FOXP2: variants seen among roughly 807,000 people sequenced by gnomAD.
The protein encoded by FOXP2 is forkhead box protein P2.
FOXP2 carries 12 observed loss-of-function variants against 115.8 expected under a neutral mutation model. The observed-to-expected ratio is 0.10, with a 90% CI of 0.07 to 0.17. FOXP2 has a LOEUF of 0.17. Ranked by LOEUF, FOXP2 falls within the 10% of genes least tolerant of loss-of-function variation. The pLI is 1.00. For synonymous variants in FOXP2, 328 were observed against 297.7 expected (o/e 1.10, Z -1.05); for missense variants, 629 against 843.5 (o/e 0.75, Z 3.15).
chr7:114,425,096 G>A (rs1284839251), intron 1 of FOXP2, among the ~76,000 whole-genome samples: 3 of 151,486 alleles, frequency 2.0e-5, no homozygotes, highest in African/African-American at 4.8e-5. Flanking sequence ...TGTGTGCATC[G>A]CATTTTAAAA....
upstream of FOXP2, chr7:114,086,356 A>G (rs370893927): frequency 2.5e-6 from 1 of 403,736 alleles, no homozygotes. Flanking sequence ...CGGCGCGTGC[A>G]GCTCCGCGGC....
chr7:114,659,115 C>A (rs1305286270), intron 11 of FOXP2, among the ~76,000 whole-genome samples: 1 of 152,106 alleles, frequency 6.6e-6, no homozygotes, highest in Non-Finnish European at 1.5e-5. Context: ...GAAAAAAATC[C>A]TCAGGCCAGC....
chr7:114,318,634 G>C (rs1200503605), intron 2 of FOXP2, among the ~76,000 whole-genome samples: 1 of 151,186 alleles, frequency 6.6e-6, no homozygotes, highest in Non-Finnish European at 1.5e-5. Flanking sequence ...TACATTAAAG[G>C]AATAGTATTA....
chr7:114,184,613 A>C (rs1230098266), intron 1 of FOXP2, among the ~76,000 whole-genome samples: 2 of 152,134 alleles, frequency 1.3e-5, no homozygotes, highest in Non-Finnish European at 2.9e-5. Context: ...CGCCTTCAGC[A>C]TTTCATTGAT....
intron 2 of FOXP2, among the ~76,000 whole-genome samples, chr7:114,318,118 C>A (rs1007575051): frequency 3.3e-5 from 5 of 152,140 alleles, no homozygotes; most frequent in African/African-American, 1.2e-4. Context: ...AGAAAAAATT[C>A]TAATTTTTCT....
At chr7:114,494,234 C>T (rs1450807781) in intron 2 of FOXP2, among the ~76,000 whole-genome samples, 1 of 152,096 alleles carries the variant, frequency 6.6e-6, no homozygotes, top group East Asian at 1.9e-4. Flanking sequence ...ATATTCATAA[C>T]ATAATTTGAA....
At position 114,642,514 on chromosome 7, in the gene FOXP2, A is replaced by G. The variant is rs770301569; in HGVS notation, c.880A>G (p.Asn294Asp). 3.1e-6 allele frequency: 5 copies of G among 1,613,838 alleles called. No homozygotes were observed. ...IKHGGLDLTT[N>D]NSSSTTSSNT... ...ACATGGAGGGCTAGACCTCACTACT[A>G]ACAATTCCTCCTCGACTACCTCCTC... is the stretch of plus-strand genomic sequence containing the variant. Residue 294 changes from asparagine (N) to aspartate (D), a missense_variant, in exon 7 of 17, where the codon AAC becomes GAC. Coordinates refer to ENST00000350908, the MANE Select transcript of FOXP2 (RefSeq NM_014491.4).
chr7:114,442,156 G>A (rs1368080858), intron 2 of FOXP2, among the ~76,000 whole-genome samples: 1 of 152,116 alleles, frequency 6.6e-6, no homozygotes, highest in East Asian at 1.9e-4. Context: ...GGAATAAAAA[G>A]GAATGAAGCA....
chr7:114,177,629 G>A (rs1358770050), intron 1 of FOXP2, among the ~76,000 whole-genome samples: 1 of 151,700 alleles, frequency 6.6e-6, no homozygotes, highest in Admixed American at 6.6e-5. Flanking sequence ...ACTTGAAGTG[G>A]GATGTATGAG....
chr7:114,411,758 A>C (rs1479822885), upstream of FOXP2, among the ~76,000 whole-genome samples: 1 of 152,110 alleles, frequency 6.6e-6, no homozygotes, highest in Non-Finnish European at 1.5e-5. Flanking sequence ...ATCCCTCTGC[A>C]CTAGAGAGAA....
chr7:114,322,247 T>C (rs1471470907), intron 2 of FOXP2, among the ~76,000 whole-genome samples: 1 of 151,898 alleles, frequency 6.6e-6, no homozygotes, highest in East Asian at 2.0e-4. Flanking sequence ...GCTGTCACAC[T>C]CCTAGACTCA....
At chr7:114,676,342 T>A (rs1362048674) in intron 16 of FOXP2, among the ~76,000 whole-genome samples, 1 of 152,154 alleles carries the variant, frequency 6.6e-6, no homozygotes, top group Non-Finnish European at 1.5e-5. Flanking sequence ...TTTGAACAAG[T>A]CTATATTGAA....
At chr7:114,287,149 G>A (rs1310494932) in intron 1 of FOXP2, among the ~76,000 whole-genome samples, 1 of 151,882 alleles carries the variant, frequency 6.6e-6, no homozygotes, top group Non-Finnish European at 1.5e-5. Flanking sequence ...ATCTATAACA[G>A]GGGTATCCAA....
intron 2 of FOXP2, among the ~76,000 whole-genome samples, chr7:114,458,084 C>G (rs774540530): frequency 6.6e-6 from 1 of 151,902 alleles, no homozygotes; most frequent in African/African-American, 2.4e-5. Context: ...AAATCCAGAA[C>G]AAAACTCAAG....
At chr7:114,680,995 G>T (rs1046406184) in intron 16 of FOXP2, among the ~76,000 whole-genome samples, 1 of 152,068 alleles carries the variant, frequency 6.6e-6, no homozygotes, top group Admixed American at 6.6e-5. Flanking sequence ...AATACTGTTA[G>T]AACATTGGCA....
At chr7:114,542,451 A>G (rs977577863) in intron 3 of FOXP2, among the ~76,000 whole-genome samples, 1 of 152,196 alleles carries the variant, frequency 6.6e-6, no homozygotes, top group African/African-American at 2.4e-5. Context: ...CCACTTGAGT[A>G]TCTCAGCTAC....
At position 114,364,509 on chromosome 7, in the gene FOXP2, A is replaced by G. The variant is rs528138883; in HGVS notation, c.-10-61993A>G. 3.9e-5 allele frequency among the ~76,000 whole-genome samples: 6 copies of G among 152,320 alleles called. 1 individual carries two copies. In the East Asian group the frequency reaches 7.7e-4, roughly 20 times the overall value. On this transcript the variant is annotated intron_variant, in intron 2 of 17. Coordinates refer to the FOXP2 transcript ENST00000634411. ...GACAACACATGGTTGTTTATATTCAATTGAATTACAGATATATAGTTTGCT... is the reference window on the plus strand; with the variant it reads ...GACAACACATGGTTGTTTATATTCAGTTGAATTACAGATATATAGTTTGCT...
intron 16 of FOXP2, chr7:114,668,528 A>G (rs191714762): frequency 6.6e-6 from 1 of 151,946 alleles, no homozygotes; most frequent in East Asian, 1.9e-4. Flanking sequence ...GACTAGTCCT[A>G]TTTTTTTCCA....
intron 5 of FOXP2, chr7:114,631,072 G>T (rs777019164): frequency 3.0e-4 from 53 of 176,164 alleles, no homozygotes; most frequent in Non-Finnish European, 4.7e-4. Context: ...GAGCTAACAG[G>T]CCTATCCTAT....
Sources: gnomAD v4.1 joint callset for allele counts (sites outside exome capture counted in the v4.1 genomes callset) on GRCh38, gnomAD v4.1.1 for gene constraint, MANE v1.5 for transcripts, NCBI Gene and HGNC (gene_info 2026-07-23, HGNC 2026-07-21) for gene names.